The following KCNIP4 variants were observed in gnomAD, a reference collection of about 807,000 sequenced individuals.
KCNIP4 encodes potassium voltage-gated channel interacting protein 4, also known as Kv channel-interacting protein 4.
A neutral mutation model predicts 34.0 loss-of-function variants in KCNIP4; 12 were observed. The observed-to-expected ratio is 0.35, with a 90% CI of 0.23 to 0.57. KCNIP4 has a LOEUF of 0.57. KCNIP4 is among the 20% of genes least tolerant of loss of function. The probability of loss-of-function intolerance (pLI) is 0.83; values close to 1 mark genes in which losing one functional copy is unlikely to be tolerated. For missense variants in KCNIP4, 238 were observed against 311.7 expected, an observed-to-expected ratio of 0.76 and a Z score of 1.78; for synonymous variants, 124 against 102.2, an observed-to-expected ratio of 1.21 and a Z score of -1.29.
chr4:21,151,937 C>T (rs1752786897), intron 1 of KCNIP4, among the ~76,000 whole-genome samples: 1 of 152,104 alleles, frequency 6.6e-6, no homozygotes, highest in African/African-American at 2.4e-5. Flanking sequence ...ACTGTAAATA[C>T]TTCTATATTG....
At chr4:21,838,938 T>C (rs976271832) in intron 1 of KCNIP4, among the ~76,000 whole-genome samples, 1 of 152,208 alleles carries the variant, frequency 6.6e-6, no homozygotes. Context: ...TGATTTTCTA[T>C]GAATGTCCTT....
At position 21,009,164 on chromosome 4, in the gene KCNIP4, A is replaced by T. The variant is rs78061992; in HGVS notation, c.62-126455T>A. On this transcript the variant is annotated intron_variant, in intron 1 of 8. Transcript: ENST00000382152. ...TAGAACTTTTAGAAAAGACAAATAT[A>T]CACACACTATTACATACATCATAAC... is the stretch of plus-strand genomic sequence containing the variant. Among the ~76,000 whole-genome samples, 246 of 152,288 alleles carry T rather than the reference A, an allele frequency of 1.6e-3. 3 individuals carry two copies. The East Asian group carries it at 0.026, about 16-fold the overall frequency.
At chr4:20,979,116 C>T (rs1191093071) in intron 1 of KCNIP4, among the ~76,000 whole-genome samples, 2 of 152,108 alleles carry the variant, frequency 1.3e-5, no homozygotes, top group Non-Finnish European at 2.9e-5. Flanking sequence ...TTCCACTATA[C>T]CTATAGCTAT....
chr4:21,090,616 C>T (rs1006858742), intron 1 of KCNIP4, among the ~76,000 whole-genome samples: 3 of 152,150 alleles, frequency 2.0e-5, no homozygotes, highest in Non-Finnish European at 4.4e-5. Context: ...GTATGTTCCT[C>T]TCAAATATTT....
intron 1 of KCNIP4, among the ~76,000 whole-genome samples, chr4:21,232,670 C>CA (rs1393958343): frequency 6.6e-6 from 1 of 152,112 alleles, no homozygotes; most frequent in East Asian, 1.9e-4. Context: ...TTCATTTATT[C>CA]ATATGTTCAC....
rs75807321 is a variant in KCNIP4, at chr4:21,311,811, G to A, written c.62-429102C>T. On this transcript the variant is annotated intron_variant, in intron 1 of 8. Coordinates refer to ENST00000382152, the MANE Select transcript of KCNIP4 (RefSeq NM_025221.6). ...AGATGAACAGATGCAGTGAGGTGTT[G>A]GCATGACATCAGATTACAGATTCTA... Among the ~76,000 whole-genome samples the A allele has an allele frequency of 6.8e-3, 1,039 of 152,290 alleles. 20 individuals carry two copies. The highest frequency in any genetic ancestry group is 0.023 in the African/African-American group (969 of 41,556).
At chr4:21,115,740 G>C (rs1749622696) in intron 1 of KCNIP4, among the ~76,000 whole-genome samples, 1 of 152,094 alleles carries the variant, frequency 6.6e-6, no homozygotes, top group Admixed American at 6.5e-5. Context: ...GCAAACCTTA[G>C]TAAAGTAATT....
chr4:21,670,147 T>G (rs1244950222), intron 1 of KCNIP4, among the ~76,000 whole-genome samples: 2 of 152,104 alleles, frequency 1.3e-5, no homozygotes, highest in Non-Finnish European at 2.9e-5. Context: ...GGCACATATC[T>G]GAAACGGGAT....
intron 1 of KCNIP4, among the ~76,000 whole-genome samples, chr4:21,176,004 T>C (rs1378220318): frequency 6.6e-6 from 1 of 152,158 alleles, no homozygotes; most frequent in Non-Finnish European, 1.5e-5. Flanking sequence ...ATTGCAATAA[T>C]CTTGACCTCT....
intron 1 of KCNIP4, among the ~76,000 whole-genome samples, chr4:20,986,016 G>T (rs1736539352): frequency 6.6e-6 from 1 of 152,172 alleles, no homozygotes; most frequent in Admixed American, 6.5e-5. Flanking sequence ...GTTGATGTAA[G>T]AATTAACTAA....
At chr4:21,411,025 A>G (rs1209162545) in intron 1 of KCNIP4, among the ~76,000 whole-genome samples, 1 of 152,182 alleles carries the variant, frequency 6.6e-6, no homozygotes, top group Non-Finnish European at 1.5e-5. Flanking sequence ...GAAATAGAGA[A>G]ATAAAAGAGA....
In KCNIP4 at chr4:21,500,471, C is replaced by A. The variant is rs563141957; in HGVS notation, c.61+448100G>T. On this transcript the variant is annotated intron_variant, in intron 1 of 8. Coordinates refer to ENST00000382152, the MANE Select transcript of KCNIP4 (RefSeq NM_025221.6). Reference sequence around the variant, plus strand: ...TACAAAACATTAACAAGTATCTTTGCCACCAGAAGGATTAAATTAGACAAA... The same window carrying A: ...TACAAAACATTAACAAGTATCTTTGACACCAGAAGGATTAAATTAGACAAA... Among the ~76,000 whole-genome samples, 12 of 152,156 alleles carry A rather than the reference C, an allele frequency of 7.9e-5. No homozygotes were observed. The South Asian group carries it at 1.9e-3, about 24-fold the overall frequency.
intron 1 of KCNIP4, among the ~76,000 whole-genome samples, chr4:21,027,965 G>T (rs367613513): frequency 4.6e-5 from 7 of 152,020 alleles, no homozygotes; most frequent in African/African-American, 1.5e-4. Flanking sequence ...TCGCCACTTC[G>T]ATTTCTAATA....
intron 3 of KCNIP4, among the ~76,000 whole-genome samples, chr4:20,812,525 T>C (rs913142700): frequency 2.6e-5 from 4 of 152,164 alleles, no homozygotes; most frequent in African/African-American, 9.7e-5. Context: ...AGCTTAAACA[T>C]ATTTTTCATG....
At chr4:21,637,066 T>C (rs1188797225) in intron 1 of KCNIP4, among the ~76,000 whole-genome samples, 1 of 152,092 alleles carries the variant, frequency 6.6e-6, no homozygotes, top group Non-Finnish European at 1.5e-5. Context: ...TCACAGGAAA[T>C]TGGTTCCGGG....
intron 1 of KCNIP4, among the ~76,000 whole-genome samples, chr4:21,822,144 T>C (rs970136895): frequency 6.6e-6 from 1 of 152,208 alleles, no homozygotes; most frequent in African/African-American, 2.4e-5. Context: ...AGCATGTGAT[T>C]TACCAAGAGA....
intron 1 of KCNIP4, among the ~76,000 whole-genome samples, chr4:21,287,223 A>G (rs1763173762): frequency 6.6e-6 from 1 of 152,222 alleles, no homozygotes; most frequent in Admixed American, 6.5e-5. Context: ...AGACTTCTGC[A>G]TCGCCTGAAA....
intron 1 of KCNIP4, among the ~76,000 whole-genome samples, chr4:21,075,467 CT>C (rs889072867): frequency 6.6e-6 from 1 of 151,690 alleles, no homozygotes; most frequent in African/African-American, 2.4e-5. Flanking sequence ...CAACTCCTGC[CT>C]TTTTTTTGTT....
At chr4:21,187,132 C>T (rs76499745) in intron 1 of KCNIP4, among the ~76,000 whole-genome samples, 2,899 of 152,188 alleles carry the variant, frequency 0.019, 58 homozygotes, top group Non-Finnish European at 0.026. Context: ...TTTGTTAAAT[C>T]TCTAATGTAT....
Sources: gnomAD v4.1 joint callset for allele counts (sites outside exome capture counted in the v4.1 genomes callset) on GRCh38, gnomAD v4.1.1 for gene constraint, MANE v1.5 for transcripts, NCBI Gene and HGNC (gene_info 2026-07-23, HGNC 2026-07-21) for gene names.